Variants in CACNA2D1 observed in about 807,000 individuals in gnomAD.
CACNA2D1 encodes voltage-dependent calcium channel subunit alpha-2/delta-1.
Under a neutral mutation model 171.5 loss-of-function variants are expected in CACNA2D1, and 53 were observed. That is an observed-to-expected ratio of 0.31 (90% CI 0.25 to 0.39). The LOEUF is 0.39. Ranked by LOEUF, CACNA2D1 falls within the 10% of genes least tolerant of loss-of-function variation. CACNA2D1 has a pLI of 1.00. For synonymous variants in CACNA2D1, 442 were observed against 443.1 expected (o/e 1.00, Z 0.03); for missense variants, 903 against 1,299.8 (o/e 0.69, Z 4.69).
chr7:82,321,839 C>T (rs1391078215), intron 3 of CACNA2D1, among the ~76,000 whole-genome samples: 1 of 152,110 alleles, frequency 6.6e-6, no homozygotes, highest in South Asian at 2.1e-4. Context: ...AAAAAACAAG[C>T]TAAGTGGCCG....
At position 82,069,376 on chromosome 7, in the gene CACNA2D1, G is replaced by A. The variant is rs3801766; in HGVS notation, c.659-2852C>T. On this transcript the variant is annotated intron_variant, in intron 7 of 38. Transcript: ENST00000356860. ...AGTGTTTCAGGAAGATTTGGGGATG[G>A]GCAGAAAAGAGAACTGAAAATGACA... Among the ~76,000 whole-genome samples the A allele has an allele frequency of 1.2e-3, 177 of 152,226 alleles. 7 individuals carry two copies. In the East Asian group the frequency reaches 0.034, roughly 29 times the overall value.
intron 32 of CACNA2D1, among the ~76,000 whole-genome samples, chr7:81,965,388 G>C (rs1181136451): frequency 3.3e-5 from 5 of 151,806 alleles, no homozygotes; most frequent in African/African-American, 9.7e-5. Context: ...AATGATACCA[G>C]TACTAAAATG....
At chr7:82,266,166 A>G (rs1194709593) in intron 3 of CACNA2D1, among the ~76,000 whole-genome samples, 4 of 152,198 alleles carry the variant, frequency 2.6e-5, no homozygotes, top group African/African-American at 9.6e-5. Context: ...TTGGAAGATG[A>G]AAGAGAAACT....
chr7:82,259,145 A>C (rs1216027540), intron 3 of CACNA2D1, among the ~76,000 whole-genome samples: 1 of 152,112 alleles, frequency 6.6e-6, no homozygotes, highest in African/African-American at 2.4e-5. Flanking sequence ...GTAATTTCTT[A>C]AAAAATAAAG....
At chr7:82,092,815 G>A (rs73706223) in intron 6 of CACNA2D1, among the ~76,000 whole-genome samples, 4,473 of 150,966 alleles carry the variant, frequency 0.03, 197 homozygotes, top group African/African-American at 0.1. Flanking sequence ...CTAAACTCTC[G>A]GTAAATGAAA....
At chr7:82,177,466 C>A (rs1249945286) in intron 3 of CACNA2D1, among the ~76,000 whole-genome samples, 1 of 151,980 alleles carries the variant, frequency 6.6e-6, no homozygotes. Flanking sequence ...AACCCATCAC[C>A]CTTTCAAGGT....
intron 3 of CACNA2D1, among the ~76,000 whole-genome samples, chr7:82,221,317 T>C (rs1277442310): frequency 6.6e-6 from 1 of 152,154 alleles, no homozygotes; most frequent in Non-Finnish European, 1.5e-5. Flanking sequence ...AGAAAAATTT[T>C]TAAACACTCT....
chr7:82,217,852 T>G (rs2129240568), intron 3 of CACNA2D1, among the ~76,000 whole-genome samples: 1 of 151,730 alleles, frequency 6.6e-6, no homozygotes, highest in African/African-American at 2.4e-5. Flanking sequence ...TACCTACATG[T>G]ACTGAAATTT....
chr7:82,100,362 A>C (rs1489841203), intron 6 of CACNA2D1, among the ~76,000 whole-genome samples: 6 of 152,156 alleles, frequency 3.9e-5, no homozygotes, highest in African/African-American at 1.2e-4. Flanking sequence ...TCAAAAATCA[A>C]ATTTTTTATC....
At chr7:82,200,918 C>T (rs2129204871) in intron 3 of CACNA2D1, among the ~76,000 whole-genome samples, 1 of 152,298 alleles carries the variant, frequency 6.6e-6, no homozygotes, top group Middle Eastern at 3.4e-3. Context: ...AACGATAAGG[C>T]ATGCGTGTGC....
chr7:82,150,582 T>C (rs1031355776), intron 4 of CACNA2D1, among the ~76,000 whole-genome samples: 1 of 152,278 alleles, frequency 6.6e-6, no homozygotes, highest in East Asian at 1.9e-4. Context: ...GTTCCAAGGA[T>C]AGATGTTTGC....
intron 10 of CACNA2D1, among the ~76,000 whole-genome samples, chr7:82,042,896 A>G (rs75264970): frequency 5.3e-5 from 8 of 152,090 alleles, no homozygotes; most frequent in African/African-American, 1.7e-4. Context: ...TTATAATTTC[A>G]TATTTCTCTG....
At chr7:82,397,063 C>T (rs1008067801) in intron 1 of CACNA2D1, among the ~76,000 whole-genome samples, 23 of 151,912 alleles carry the variant, frequency 1.5e-4, no homozygotes, top group Admixed American at 1.5e-3. Flanking sequence ...GTTGCATGGT[C>T]CTCCCCACCC....
chr7:82,198,498 A>G (rs1172440241), intron 3 of CACNA2D1, among the ~76,000 whole-genome samples: 1 of 152,036 alleles, frequency 6.6e-6, no homozygotes, highest in Non-Finnish European at 1.5e-5. Context: ...TCGTGATACC[A>G]TGCTGGGATC....
intron 3 of CACNA2D1, among the ~76,000 whole-genome samples, chr7:82,318,335 C>T (rs1815359485): frequency 6.6e-6 from 1 of 152,072 alleles, no homozygotes; most frequent in Admixed American, 6.6e-5. Context: ...AATATCTAGA[C>T]CAGAGTTTCC....
intron 38 of CACNA2D1, among the ~76,000 whole-genome samples, chr7:81,950,962 T>C (rs913102680): frequency 1.3e-5 from 2 of 152,126 alleles, no homozygotes; most frequent in African/African-American, 4.8e-5. Context: ...CCCATATTTC[T>C]TATACAATTT....
chr7:82,168,390 C>T (rs1220391761), intron 4 of CACNA2D1, among the ~76,000 whole-genome samples: 1 of 152,102 alleles, frequency 6.6e-6, no homozygotes, highest in African/African-American at 2.4e-5. Context: ...GTAATCCACC[C>T]ACCTTGGCCT....
At chr7:82,373,183 C>G (rs1822612451) in intron 1 of CACNA2D1, among the ~76,000 whole-genome samples, 3 of 148,182 alleles carry the variant, frequency 2.0e-5, no homozygotes, top group Admixed American at 2.0e-4. Context: ...GACACTGTCT[C>G]AAAAAAAAAA....
chr7:82,300,369 A>T (rs1812846714), intron 3 of CACNA2D1, among the ~76,000 whole-genome samples: 1 of 152,160 alleles, frequency 6.6e-6, no homozygotes, highest in Non-Finnish European at 1.5e-5. Flanking sequence ...TACAGATACC[A>T]TTTTAAATGA....
Sources: gnomAD v4.1 joint callset for allele counts (sites outside exome capture counted in the v4.1 genomes callset) on GRCh38, gnomAD v4.1.1 for gene constraint, MANE v1.5 for transcripts, NCBI Gene and HGNC (gene_info 2026-07-23, HGNC 2026-07-21) for gene names.